Variants in DSCAML1 observed in about 807,000 individuals in gnomAD.
DSCAML1 encodes the protein cell adhesion molecule DSCAML1.
DSCAML1 carries 38 observed loss-of-function variants against 200.5 expected under a neutral mutation model. That is an observed-to-expected ratio of 0.19 (90% confidence interval 0.15 to 0.25). DSCAML1 has a LOEUF of 0.25. DSCAML1 is among the 10% of genes least tolerant of loss of function. DSCAML1 has a pLI of 1.00. For missense variants in DSCAML1, 2,223 were observed against 2,858.8 expected (o/e 0.78, Z 5.07); for synonymous variants, 1,215 against 1,165.0 (o/e 1.04, Z -0.87).
At chr11:117,607,411 C>A (rs1259635296) in intron 3 of DSCAML1, among the ~76,000 whole-genome samples, 4 of 152,230 alleles carry the variant, frequency 2.6e-5, no homozygotes, top group Admixed American at 1.3e-4. Flanking sequence ...ACACCCCTAA[C>A]AGATGCTGCC....
At chr11:117,785,826 A>T (rs2055342139) in intron 1 of DSCAML1, among the ~76,000 whole-genome samples, 1 of 152,122 alleles carries the variant, frequency 6.6e-6, no homozygotes, top group Non-Finnish European at 1.5e-5. Flanking sequence ...CAAAGGTATG[A>T]GGTGGAGGGC....
At chr11:117,548,437 C>A (rs531379699) in intron 3 of DSCAML1, among the ~76,000 whole-genome samples, 1 of 152,312 alleles carries the variant, frequency 6.6e-6, no homozygotes, top group Non-Finnish European at 1.5e-5. Context: ...CCCTTCCCTG[C>A]ACCCCAGCAA....
At chr11:117,428,845 C>T (rs1354374610) in intron 32 of DSCAML1, 42 bp from the exon 33 acceptor site, 5 of 1,521,970 alleles carry the variant, frequency 3.3e-6, no homozygotes, top group East Asian at 2.4e-5. Context: ...GAGTCATAGC[C>T]CTCTGGAAGC....
intron 8 of DSCAML1, among the ~76,000 whole-genome samples, chr11:117,514,572 C>CTTTTTTTTTTTTTTTTTT (rs532136039): frequency 3.1e-5 from 3 of 98,292 alleles, no homozygotes; most frequent in African/African-American, 4.1e-5. Context: ...TTTTCTTTTT[C>CTTTTTTTTTTTTTTTTTT]TTTTTTTTTT....
chr11:117,573,029 A>G (rs2050872565), intron 3 of DSCAML1, among the ~76,000 whole-genome samples: 1 of 152,218 alleles, frequency 6.6e-6, no homozygotes, highest in African/African-American at 2.4e-5. Context: ...GCTGTTCTTC[A>G]TAATGGCCCT....
At chr11:117,665,414 G>C (rs2052955566) in intron 3 of DSCAML1, among the ~76,000 whole-genome samples, 1 of 152,236 alleles carries the variant, frequency 6.6e-6, no homozygotes, top group African/African-American at 2.4e-5. Flanking sequence ...TGTGGGCACA[G>C]AGTACGCGAG....
intron 3 of DSCAML1, among the ~76,000 whole-genome samples, chr11:117,551,370 C>T (rs1190838209): frequency 6.6e-6 from 1 of 152,134 alleles, no homozygotes; most frequent in Non-Finnish European, 1.5e-5. Context: ...TGTATATGGT[C>T]ATCCCCAATG....
chr11:117,530,251 C>T (rs1565769180), intron 4 of DSCAML1, among the ~76,000 whole-genome samples: 1 of 152,104 alleles, frequency 6.6e-6, no homozygotes, highest in African/African-American at 2.4e-5. Flanking sequence ...TTGAGGGACT[C>T]TTGCCTAGTG....
chr11:117,638,913 G>C (rs1361107074), intron 3 of DSCAML1, among the ~76,000 whole-genome samples: 2 of 152,118 alleles, frequency 1.3e-5, no homozygotes, highest in Non-Finnish European at 1.5e-5. Flanking sequence ...GAAATTGCTG[G>C]TAATTCTCTG....
At chr11:117,537,785 G>A (rs1161281094) in intron 3 of DSCAML1, among the ~76,000 whole-genome samples, 3 of 152,180 alleles carry the variant, frequency 2.0e-5, no homozygotes, top group Non-Finnish European at 2.9e-5. Flanking sequence ...TAACAGCAAC[G>A]AAACGCAAGG....
intron 3 of DSCAML1, among the ~76,000 whole-genome samples, chr11:117,609,487 T>A (rs577196265): frequency 8.6e-5 from 13 of 151,846 alleles, no homozygotes; most frequent in African/African-American, 2.4e-4. Context: ...AAAAAAACAT[T>A]GTAGAGACCA....
chr11:117,658,191 A>G (rs541095985), intron 3 of DSCAML1, among the ~76,000 whole-genome samples: 18 of 152,222 alleles, frequency 1.2e-4, no homozygotes, highest in African/African-American at 4.1e-4. Flanking sequence ...TTAAGCATAA[A>G]CAGGAGCCAC....
intron 3 of DSCAML1, among the ~76,000 whole-genome samples, chr11:117,774,514 T>C (rs1468533622): frequency 6.6e-6 from 1 of 152,064 alleles, no homozygotes; most frequent in Admixed American, 6.5e-5. Context: ...ATGGAGGGGG[T>C]AAATGACTCA....
rs779040464 is a variant in DSCAML1 at position 117,480,483 on chromosome 11, G to A, written c.2745C>T (p.Ser915=). ...ATTCAATGTCGAAGCCCGTGATGAT[G>A]CTGTTCCCGTCGAATCGCTGGGTCC... ...LRWTQRFDGN[S]IITGFDIEYK... The change falls in exon 14 of 33, where the codon AGC becomes AGT. Residue 915 remains serine (S), a synonymous_variant. Transcript: ENST00000651296. The surrounding 1 kb of genome is among the most constrained non-coding windows in gnomAD (Gnocchi z 4.1). 1.9e-6 allele frequency: 3 copies of A among 1,613,106 alleles called. No individual in the cohort carries two copies. Among genetic ancestry groups the A allele is most frequent in the East Asian group, 4.5e-5 (2 of 44,860 alleles).
intron 3 of DSCAML1, among the ~76,000 whole-genome samples, chr11:117,634,785 G>C (rs1377109438): frequency 2.6e-5 from 4 of 152,216 alleles, no homozygotes; most frequent in East Asian, 1.9e-4. Context: ...CGGTCGTGGT[G>C]GTGGGTCGCA....
chr11:117,629,134 T>C (rs1389539440), intron 3 of DSCAML1, among the ~76,000 whole-genome samples: 4 of 152,064 alleles, frequency 2.6e-5, no homozygotes, highest in African/African-American at 9.7e-5. Context: ...GCTAATGAGC[T>C]TAAAACATCC....
chr11:117,458,518 A>G (rs80281702), intron 19 of DSCAML1, among the ~76,000 whole-genome samples: 2,933 of 152,216 alleles, frequency 0.019, 97 homozygotes, highest in African/African-American at 0.065. Context: ...AATGCTGCAG[A>G]GAGCAGGTGT....
chr11:117,616,949 A>C (rs59462941), intron 3 of DSCAML1, among the ~76,000 whole-genome samples: 1,643 of 152,322 alleles, frequency 0.011, 24 homozygotes, highest in African/African-American at 0.036. Flanking sequence ...AGGAAACTTC[A>C]GGGGATATAC....
chr11:117,724,464 G>A (rs2054089862), intron 3 of DSCAML1, among the ~76,000 whole-genome samples: 1 of 152,202 alleles, frequency 6.6e-6, no homozygotes, highest in Non-Finnish European at 1.5e-5. Flanking sequence ...CCAGTCTCCT[G>A]TGGTCTGTCC....
Sources: allele counts gnomAD v4.1 joint callset (sites outside exome capture counted in the v4.1 genomes callset), GRCh38; gene constraint gnomAD v4.1.1; non-coding constraint Gnocchi (gnomAD v3.1); transcripts MANE v1.5; gene names NCBI Gene and HGNC (gene_info 2026-07-23, HGNC 2026-07-21).